The following TXNRD1 variants were observed in gnomAD, a reference collection of about 807,000 sequenced individuals.
The protein encoded by TXNRD1 is thioredoxin reductase 1.
TXNRD1 carries 57 observed loss-of-function variants against 80.3 expected under a neutral mutation model. The ratio of observed to expected loss-of-function variants is 0.71; its 90% CI spans 0.57 to 0.89. The LOEUF (loss-of-function observed/expected upper bound fraction) is 0.89, where lower values mean the gene tolerates loss of function less well. Among genes scored for constraint, TXNRD1 ranks in the 40% least tolerant of loss-of-function variants. The pLI is 0.00. For missense variants in TXNRD1, 730 were observed against 803.0 expected, an observed-to-expected ratio of 0.91 and a Z score of 1.10; for synonymous variants, 291 against 285.2, an observed-to-expected ratio of 1.02 and a Z score of -0.20.
At chr12:104,274,795 G>A (rs977349663) in intron 3 of TXNRD1, among the ~76,000 whole-genome samples, 1 of 152,022 alleles carries the variant, frequency 6.6e-6, no homozygotes, top group African/African-American at 2.4e-5. Context: ...CTACTAATTA[G>A]TATGTAACTC....
chr12:104,345,669 AAAAC>A (rs2036465568), intron 16 of TXNRD1, among the ~76,000 whole-genome samples: 1 of 152,408 alleles, frequency 6.6e-6, no homozygotes. Flanking sequence ...GTAGAGGAGA[AAAAC>A]AATAGTTCAA....
intron 14 of TXNRD1, among the ~76,000 whole-genome samples, chr12:104,332,124 A>G (rs2035973981): frequency 6.6e-6 from 1 of 152,196 alleles, no homozygotes; most frequent in African/African-American, 2.4e-5. Flanking sequence ...TGCTCCTACC[A>G]TTAGTACTAC....
chr12:104,313,150 T>G, intron 5 of TXNRD1, 95 bp from the exon 6 acceptor site: 1 of 930,630 alleles, frequency 1.1e-6, no homozygotes, highest in Non-Finnish European at 1.7e-6. Context: ...TGCTTTAAGC[T>G]CTATAGCTTA....
intron 3 of TXNRD1, among the ~76,000 whole-genome samples, chr12:104,266,904 A>T (rs2135718748): frequency 6.6e-6 from 1 of 150,968 alleles, no homozygotes; most frequent in East Asian, 1.9e-4. Context: ...GGAGCTTGCA[A>T]TAAGCCAAGA....
chr12:104,318,053 A>G (rs1366230527), intron 7 of TXNRD1, among the ~76,000 whole-genome samples: 1 of 152,214 alleles, frequency 6.6e-6, no homozygotes, highest in Non-Finnish European at 1.5e-5. Flanking sequence ...AGGCACGAGA[A>G]TAGCTTGAAC....
chr12:104,305,920 C>A (rs894591005), intron 4 of TXNRD1, among the ~76,000 whole-genome samples: 2 of 151,788 alleles, frequency 1.3e-5, no homozygotes, highest in African/African-American at 4.8e-5. Context: ...TTTTTTTCCC[C>A]CTCGAGACAG....
intron 3 of TXNRD1, among the ~76,000 whole-genome samples, chr12:104,264,850 A>G (rs951073695): frequency 1.2e-4 from 18 of 152,178 alleles, no homozygotes; most frequent in African/African-American, 4.3e-4. Flanking sequence ...GAATGGATTT[A>G]TGGGTCAGAG....
At chr12:104,216,509 G>A (rs1322501179) in intron 1 of TXNRD1, among the ~76,000 whole-genome samples, 1 of 152,148 alleles carries the variant, frequency 6.6e-6, no homozygotes, top group Admixed American at 6.5e-5. Context: ...TCCATTGTCC[G>A]GATAATGCCA....
chr12:104,288,847 G>T, intron 3 of TXNRD1, 84 bp from the exon 4 acceptor site: 2 of 1,611,666 alleles, frequency 1.2e-6, no homozygotes, highest in Non-Finnish European at 8.5e-7. Flanking sequence ...GGGCCGGGAC[G>T]GAAGCCCCGC....
chr12:104,331,727 G>C lies in TXNRD1; in HGVS notation c.1650+86G>C, dbSNP rs2035954791. On this transcript the variant is annotated intron_variant, in intron 14 of 16. Coordinates refer to ENST00000525566, the MANE Select transcript of TXNRD1 (RefSeq NM_001093771.3). ...AAATATATAGAAGACTTAAAAAATA[G>C]TACAAAGCATTTTCATATACCCGTT... 4 of 855,130 alleles carry C rather than the reference G, an allele frequency of 4.7e-6. No homozygotes were observed. In the Admixed American group the frequency reaches 1.0e-4, roughly 22 times the overall value. The allele number at this position is 855,130 out of a possible 1,614,324, so 53.0% of individuals were successfully genotyped here.
intron 16 of TXNRD1, 100 bp from the exon 17 acceptor site, chr12:104,348,253 G>T: frequency 1.0e-6 from 1 of 987,292 alleles, no homozygotes; most frequent in African/African-American, 1.6e-5. Context: ...TTTGGTAGTC[G>T]CCTAAGATGG....
chr12:104,318,786 A>G (rs1388429857), intron 7 of TXNRD1, 127 bp from the exon 8 acceptor site: 1 of 854,634 alleles, frequency 1.2e-6, no homozygotes. Flanking sequence ...CTCAAAATGG[A>G]GGATTTGCCC....
intron 2 of TXNRD1, among the ~76,000 whole-genome samples, chr12:104,257,275 G>A (rs1347694879): frequency 6.6e-6 from 1 of 151,384 alleles, no homozygotes; most frequent in African/African-American, 2.4e-5. Context: ...GAGCATAATA[G>A]GTTTTTTGTA....
At chr12:104,265,010 T>C (rs1351651691) in intron 3 of TXNRD1, among the ~76,000 whole-genome samples, 9 of 152,154 alleles carry the variant, frequency 5.9e-5, no homozygotes, top group Non-Finnish European at 1.3e-4. Context: ...TTCCAGTGTT[T>C]TGGGAGGCTG....
intron 7 of TXNRD1, among the ~76,000 whole-genome samples, chr12:104,318,507 G>A (rs2035408953): frequency 6.6e-6 from 1 of 152,214 alleles, no homozygotes; most frequent in Non-Finnish European, 1.5e-5. Flanking sequence ...CCATGGTGCA[G>A]TTTGCCAGCC....
In TXNRD1 at chr12:104,315,762, T is replaced by C; in HGVS notation, c.611-15T>C. 1 of 1,608,366 alleles carries C rather than the reference T, an allele frequency of 6.2e-7. No homozygotes were observed. The highest frequency in any genetic ancestry group is 2.2e-5 in the East Asian group (1 of 44,624). ...GGAAAGCAGGTTATAAACTGATTTC[T>C]CAATGTTGTTGTAGGTCTCGGAGGA... On this transcript the variant is annotated splice_polypyrimidine_tract_variant and intron_variant, in intron 6 of 16. Coordinates refer to ENST00000525566, the MANE Select transcript of TXNRD1 (RefSeq NM_001093771.3).
intron 3 of TXNRD1, among the ~76,000 whole-genome samples, chr12:104,275,036 C>T (rs756001982): frequency 3.9e-5 from 6 of 152,172 alleles, no homozygotes; most frequent in Non-Finnish European, 8.8e-5. Context: ...CATGTGTGTA[C>T]ATGTAATGCA....
intron 16 of TXNRD1, among the ~76,000 whole-genome samples, chr12:104,346,787 T>C (rs1336656080): frequency 6.6e-6 from 1 of 152,138 alleles, no homozygotes; most frequent in Non-Finnish European, 1.5e-5. Context: ...GTTTTTTCTA[T>C]AATGAGTATA....
intron 13 of TXNRD1, among the ~76,000 whole-genome samples, 172 bp from the exon 14 acceptor site, chr12:104,331,362 A>C (rs1469187381): frequency 1.3e-5 from 2 of 152,236 alleles, no homozygotes; most frequent in African/African-American, 2.4e-5. Flanking sequence ...CAAATAAGTT[A>C]ATGGTTCTCA....
Sources: allele counts gnomAD v4.1 joint callset (sites outside exome capture counted in the v4.1 genomes callset), GRCh38; gene constraint gnomAD v4.1.1; transcripts MANE v1.5; gene names NCBI Gene and HGNC (gene_info 2026-07-23, HGNC 2026-07-21).